The following ZNF567 variants were observed in gnomAD, a reference collection of about 807,000 sequenced individuals.
ZNF567 encodes the protein zinc finger protein 567.
In ZNF567, 36 loss-of-function variants were observed where a neutral mutation model predicts 53.9. The ratio of observed to expected loss-of-function variants is 0.67; its 90% CI spans 0.51 to 0.88. The LOEUF is 0.88. ZNF567 is among the 40% of genes least tolerant of loss of function. ZNF567 has a pLI of 0.00. For synonymous variants in ZNF567, 224 were observed against 260.4 expected (o/e 0.86, Z 1.35); for missense variants, 619 against 764.7 (o/e 0.81, Z 2.25).
chr19:36,677,868 C>T, the ZNF567 span, among the ~76,000 whole-genome samples: 9 of 152,188 alleles, frequency 5.9e-5, no homozygotes, highest in East Asian at 1.7e-3. Context: ...TCTTGAGAGC[C>T]TTGGAAGAAC....
downstream of ZNF567, chr19:36,727,016 T>TTCTTTCTTTCTTTCTTTCTTTCTTTC (rs2040338314): frequency 6.8e-6 from 1 of 147,356 alleles, no homozygotes; most frequent in Non-Finnish European, 1.5e-5. Context: ...CTTTCCTTTT[T>TTCTTTCTTTCTTTCTTTCTTTCTTTC]TTTTTTCCTG....
At chr19:36,688,029 A>G (rs552238305) in intron 1 of ZNF567, among the ~76,000 whole-genome samples, 220 of 152,036 alleles carry the variant, frequency 1.4e-3, no homozygotes, top group Admixed American at 2.6e-3. Flanking sequence ...ATTCTGTGTG[A>G]CGTTGTGGAA....
the ZNF567 span, among the ~76,000 whole-genome samples, chr19:36,682,604 A>ATTTTTT: frequency 6.9e-6 from 1 of 144,810 alleles, no homozygotes; most frequent in African/African-American, 2.5e-5. Context: ...TATTATTATT[A>ATTTTTT]TTATTATTAT....
At position 36,719,541 on chromosome 19, in the gene ZNF567, G is replaced by A; in HGVS notation, c.817G>A (p.Gly273Arg). ...CRKSVLILHQ[G>R]IHSEEKPYQC... is the part of the protein sequence containing the mutation. ...GAAATCAGTATTGATTCTGCATCAG[G>A]GAATTCACTCAGAAGAAAAACCCTA... The change falls in exon 6 of 6, where the codon GGA (glycine) becomes AGA (arginine). Residue 273 changes from glycine (G) to arginine (R), a missense_variant. Coordinates refer to ENST00000682579, the MANE Select transcript of ZNF567 (RefSeq NM_001322917.1). 1 of 1,612,540 alleles carries A rather than the reference G, an allele frequency of 6.2e-7. No individual in the cohort carries two copies. The highest frequency in any genetic ancestry group is 8.5e-7 in the Non-Finnish European group (1 of 1,179,378).
At chr19:36,726,796 G>A (rs1445460528), downstream of ZNF567, among the ~76,000 whole-genome samples, 4 of 152,042 alleles carry the variant, frequency 2.6e-5, no homozygotes, top group East Asian at 1.9e-4. Flanking sequence ...GGGGCCCTAC[G>A]TAATTCCATC....
In ZNF567 at chr19:36,719,976, G is replaced by A. The variant is rs201852275; in HGVS notation, c.1252G>A (p.Glu418Lys). 6.2e-7 allele frequency: 1 copy of A among 1,613,952 alleles called. No individual in the cohort carries two copies. The highest frequency in any genetic ancestry group is 1.6e-4 in the Middle Eastern group (1 of 6,062). Residue 418 changes from glutamate (E) to lysine (K), a missense_variant, in exon 6 of 6, where the codon GAA (glutamate) becomes AAA (lysine). By Grantham distance (56) the Glu-to-Lys change is moderately conservative (BLOSUM62 1). Coordinates refer to ENST00000682579, the MANE Select transcript of ZNF567 (RefSeq NM_001322917.1). ...LTVHQRTHTG[E>K]KPYICNECGK... ...TGTACATCAGAGAACTCATACAGGG[G>A]AAAAGCCCTATATTTGTAATGAATG... is the stretch of plus-strand genomic sequence containing the variant.
chr19:36,676,055 C>CTTTTTTTT, the ZNF567 span, among the ~76,000 whole-genome samples: 115 of 60,618 alleles, frequency 1.9e-3, 25 homozygotes, highest in African/African-American at 5.3e-3. Context: ...TATTCTACAC[C>CTTTTTTTT]TTTTTTTTTT....
intron 3 of ZNF567, among the ~76,000 whole-genome samples, chr19:36,709,748 G>GCCA (rs2039682239): frequency 6.6e-6 from 1 of 152,148 alleles, no homozygotes. Context: ...ACAAAAGTAA[G>GCCA]CCACCACACC....
At chr19:36,701,869 CTCTA>C (rs1204379629) in intron 3 of ZNF567, among the ~76,000 whole-genome samples, 1 of 57,204 alleles carries the variant, frequency 1.7e-5, no homozygotes. Context: ...TGGGTCTTGA[CTCTA>C]TCCAATTTGC....
upstream of ZNF567, chr19:36,687,249 CAGGAA>C (rs1432195925): frequency 6.5e-6 from 1 of 154,400 alleles, no homozygotes; most frequent in African/African-American, 2.4e-5. Flanking sequence ...CGAGCAGGGA[CAGGAA>C]CACAATCACG....
the ZNF567 span, among the ~76,000 whole-genome samples, chr19:36,671,165 C>T: frequency 6.6e-6 from 1 of 152,158 alleles, no homozygotes; most frequent in African/African-American, 2.4e-5. Context: ...GATGACATTA[C>T]ACTGATTCAA....
the ZNF567 span, among the ~76,000 whole-genome samples, chr19:36,678,224 G>A: frequency 9.2e-5 from 14 of 152,262 alleles, no homozygotes; most frequent in Non-Finnish European, 1.8e-4. Context: ...TTCCCTCAGT[G>A]GCCAGTGGAG....
At chr19:36,708,658 C>T (rs146442629) in intron 3 of ZNF567, among the ~76,000 whole-genome samples, 5 of 152,282 alleles carry the variant, frequency 3.3e-5, no homozygotes, top group African/African-American at 1.2e-4. Context: ...CCCTGGAAAC[C>T]ACTGATCTTT....
intron 5 of ZNF567, among the ~76,000 whole-genome samples, chr19:36,715,513 ATTATTATTATTATT>A (rs1568711712): frequency 8.9e-5 from 3 of 33,526 alleles, no homozygotes; most frequent in African/African-American, 4.6e-4. Flanking sequence ...AATAATAATT[ATTATTATTATTATT>A]ATTATTATTA....
the ZNF567 span, among the ~76,000 whole-genome samples, chr19:36,680,473 G>A: frequency 1.8e-4 from 28 of 152,248 alleles, no homozygotes; most frequent in African/African-American, 6.5e-4. Flanking sequence ...GGTCACAAGG[G>A]AAATGTGTAG....
the ZNF567 span, among the ~76,000 whole-genome samples, chr19:36,672,305 T>C: frequency 6.6e-6 from 1 of 152,212 alleles, no homozygotes; most frequent in Non-Finnish European, 1.5e-5. Flanking sequence ...ATTTAAAAAC[T>C]GGTGACAAGG....
chr19:36,688,551 T>TA (rs1174624019), intron 1 of ZNF567, among the ~76,000 whole-genome samples: 1 of 147,616 alleles, frequency 6.8e-6, no homozygotes, highest in Non-Finnish European at 1.5e-5. Flanking sequence ...CTCACGCCTG[T>TA]AATCCCAGCA....
Position 36,718,987 on chromosome 19 carries a change from A to C in ZNF567, c.263A>C (p.Lys88Thr). 6.3e-7 allele frequency: 1 copy of C among 1,574,918 alleles called. No homozygotes were observed. Among genetic ancestry groups the C allele is most frequent in the Non-Finnish European group, 8.6e-7 (1 of 1,168,290 alleles). The change falls in exon 6 of 6, where the codon AAG becomes ACG. Residue 88 changes from lysine (K) to threonine (T), a missense_variant. Coordinates refer to ENST00000682579, the MANE Select transcript of ZNF567 (RefSeq NM_001322917.1). ...WKAEDFLVKF[K>T]EHQEKYSRSV... is the part of the protein sequence containing the mutation. ...GCTGAAGACTTTTTAGTGAAATTCA[A>C]GGAACACCAAGAGAAGTATTCTAGA...
At chr19:36,676,617 A>C in the ZNF567 span, among the ~76,000 whole-genome samples, 1 of 152,154 alleles carries the variant, frequency 6.6e-6, no homozygotes, top group African/African-American at 2.4e-5. Flanking sequence ...TGTCATTTGC[A>C]GGACTGTCAC....
Sources: gnomAD v4.1 joint callset for allele counts (sites outside exome capture counted in the v4.1 genomes callset) on GRCh38, gnomAD v4.1.1 for gene constraint, MANE v1.5 for transcripts, NCBI Gene and HGNC (gene_info 2026-07-23, HGNC 2026-07-21) for gene names.